The following TRPM3 variants were observed in gnomAD, a reference collection of about 807,000 sequenced individuals.
TRPM3 encodes the protein long transient receptor potential channel 3.
TRPM3 carries 77 observed loss-of-function variants against 181.2 expected under a neutral mutation model. The observed-to-expected ratio is 0.42, with a 90% CI of 0.35 to 0.51. The LOEUF (loss-of-function observed/expected upper bound fraction) is 0.51. TRPM3 is among the 20% of genes least tolerant of loss of function. The pLI is 0.01. For missense variants in TRPM3, 1,759 were observed against 2,196.7 expected, an observed-to-expected ratio of 0.80 and a Z score of 3.98; for synonymous variants, 745 against 796.4, an observed-to-expected ratio of 0.94 and a Z score of 1.09.
At chr9:70,577,397 C>T (rs1317127748) in intron 22 of TRPM3, among the ~76,000 whole-genome samples, 1 of 152,238 alleles carries the variant, frequency 6.6e-6, no homozygotes, top group East Asian at 1.9e-4. Flanking sequence ...CACTTTCTGG[C>T]TGTGTGCCTT....
At chr9:71,231,352 G>A (rs779218702) in intron 1 of TRPM3, among the ~76,000 whole-genome samples, 1 of 151,998 alleles carries the variant, frequency 6.6e-6, no homozygotes, top group Admixed American at 6.6e-5. Flanking sequence ...AGAGAGAGAG[G>A]GAGACTGGAG....
chr9:70,618,426 T>C (rs2133159991), intron 17 of TRPM3, among the ~76,000 whole-genome samples: 1 of 152,338 alleles, frequency 6.6e-6, no homozygotes, highest in African/African-American at 2.4e-5. Context: ...TTTATCTTAG[T>C]TTAAAAAGAC....
intron 1 of TRPM3, among the ~76,000 whole-genome samples, chr9:71,153,994 T>C (rs1039716818): frequency 1.3e-5 from 2 of 152,138 alleles, no homozygotes; most frequent in Non-Finnish European, 2.9e-5. Flanking sequence ...AAGAGTAAAT[T>C]TGTTTTGGCA....
At chr9:71,331,910 AGAAGAGGAG>A (rs2090210111) in intron 1 of TRPM3, among the ~76,000 whole-genome samples, 1 of 9,542 alleles carries the variant, frequency 1.0e-4, no homozygotes, top group South Asian at 2.6e-3. Flanking sequence ...AAGAGGAGGA[AGAAGAGGAG>A]GAAGAGGAAG....
intron 1 of TRPM3, among the ~76,000 whole-genome samples, chr9:70,875,418 A>G (rs746794404): frequency 1.1e-4 from 16 of 151,994 alleles, no homozygotes; most frequent in Non-Finnish European, 2.2e-4. Flanking sequence ...GTAGCAGAGC[A>G]CACAGTTTTG....
chr9:71,096,421 A>G, intron 1 of TRPM3, among the ~76,000 whole-genome samples: 1 of 151,512 alleles, frequency 6.6e-6, no homozygotes, highest in Admixed American at 6.6e-5. Flanking sequence ...AATCAGAGAC[A>G]AAACAAAGAC....
At chr9:71,423,802 C>A (rs908237511) in intron 1 of TRPM3, among the ~76,000 whole-genome samples, 7 of 152,124 alleles carry the variant, frequency 4.6e-5, no homozygotes, top group African/African-American at 1.7e-4. Context: ...CCAGGAAGGT[C>A]AAAAGTTCCT....
intron 1 of TRPM3, among the ~76,000 whole-genome samples, chr9:71,304,178 T>C (rs918563921): frequency 6.6e-6 from 1 of 152,214 alleles, no homozygotes; most frequent in South Asian, 2.1e-4. Flanking sequence ...TACACAGCTA[T>C]AGAGATAGTA....
intron 1 of TRPM3, among the ~76,000 whole-genome samples, chr9:71,258,188 T>C (rs569405597): frequency 3.9e-5 from 6 of 152,318 alleles, no homozygotes; most frequent in South Asian, 4.1e-4. Context: ...TTTGCACACA[T>C]TGGCCCATTT....
At chr9:71,016,011 A>G (rs1020638313) in intron 1 of TRPM3, among the ~76,000 whole-genome samples, 3 of 152,030 alleles carry the variant, frequency 2.0e-5, no homozygotes, top group African/African-American at 7.2e-5. Flanking sequence ...CCTGTTCAAC[A>G]TGGTGAAACC....
chr9:70,668,672 GAAAAAAAAAAAA>G (rs57929544), intron 9 of TRPM3, among the ~76,000 whole-genome samples: 7 of 86,512 alleles, frequency 8.1e-5, no homozygotes, highest in East Asian at 7.7e-4. Flanking sequence ...CTCAAAAAAA[GAAAAAAAAAAAA>G]AAAAAAAAAA....
chr9:71,237,176 T>C (rs1362672874), intron 1 of TRPM3, among the ~76,000 whole-genome samples: 2 of 152,178 alleles, frequency 1.3e-5, no homozygotes, highest in Non-Finnish European at 2.9e-5. Flanking sequence ...TTTGGTGCTG[T>C]GCTGATATGT....
At chr9:71,031,360 A>AT (rs1245022364) in intron 1 of TRPM3, among the ~76,000 whole-genome samples, 2 of 152,178 alleles carry the variant, frequency 1.3e-5, no homozygotes, top group Admixed American at 6.5e-5. Context: ...TTGAGTTTGA[A>AT]TATCGGTTCT....
rs770571859 is a variant in TRPM3, at chr9:70,536,455, G to A, written c.4658C>T (p.Thr1553Ile). 3.0e-5 allele frequency: 49 copies of A among 1,614,062 alleles called. No homozygotes were observed. The highest frequency in any genetic ancestry group is 4.0e-5 in the Non-Finnish European group (47 of 1,180,036). Residue 1553 changes from threonine to isoleucine, a missense_variant, in exon 26 of 26, where the codon ACA becomes ATA. Physicochemically the swap from Thr to Ile is moderately conservative, Grantham distance 89. This residue lies in a region of TRPM3 where 612 missense variants were observed against 590.0 expected (regional missense o/e 1.04). Transcript: ENST00000677713. Reference protein sequence around the residue: ...YYANFGVPVKTAEYTSITDCI... With the variant: ...YYANFGVPVKIAEYTSITDCI... ...GTCTGTAATACTTGTGTATTCTGCT[G>A]TTTTTACAGGCACCCCAAAGTTGGC...
intron 1 of TRPM3, among the ~76,000 whole-genome samples, chr9:71,153,363 C>T (rs1447916255): frequency 6.6e-6 from 1 of 150,516 alleles, no homozygotes; most frequent in Non-Finnish European, 1.5e-5. Flanking sequence ...GCAATCTCAG[C>T]CCACTGCAAC....
rs1293605845 is a variant in TRPM3 at position 70,618,948 on chromosome 9, G to A, written c.2277C>T (p.Phe759=). 6 of 1,613,902 alleles carry A rather than the reference G, an allele frequency of 3.7e-6. No homozygotes were observed. The Admixed American group carries it at 1.0e-4, about 27-fold the overall frequency. The change falls in exon 17 of 26, where the codon TTC becomes TTT. Residue 759 remains phenylalanine, a synonymous_variant. Transcript: ENST00000677713. ...GCATCTGGCTGCACGTGTGCGCGAT[G>A]AAGTCGCGGTGTTTGGCAGCCACGG... The part of the protein sequence containing the change: ...QLAVAAKHRD[F]IAHTCSQMLL...
At chr9:70,576,951 T>C (rs549442741) in intron 22 of TRPM3, among the ~76,000 whole-genome samples, 2 of 152,346 alleles carry the variant, frequency 1.3e-5, no homozygotes, top group Non-Finnish European at 1.5e-5. Context: ...GCTCTTTTCA[T>C]GCCTATTTCC....
intron 1 of TRPM3, among the ~76,000 whole-genome samples, chr9:71,059,101 G>A (rs1329750): frequency 7.9e-6 from 1 of 127,002 alleles, no homozygotes; most frequent in South Asian, 2.7e-4. Flanking sequence ...CCATTGAAGA[G>A]AAGGGCTGGA....
chr9:70,606,823 T>A (rs1170302939), intron 19 of TRPM3, among the ~76,000 whole-genome samples: 2 of 151,934 alleles, frequency 1.3e-5, no homozygotes, highest in Non-Finnish European at 1.5e-5. Flanking sequence ...AGATTCATGC[T>A]TCTTAAACTA....
Sources: allele counts gnomAD v4.1 joint callset (sites outside exome capture counted in the v4.1 genomes callset), GRCh38; gene constraint gnomAD v4.1.1; regional missense constraint gnomAD v4.1.1; transcripts MANE v1.5; gene names NCBI Gene and HGNC (gene_info 2026-07-23, HGNC 2026-07-21).